HIF3A: variants seen among roughly 807,000 people sequenced by gnomAD.
The protein encoded by HIF3A is hypoxia-inducible factor 3-alpha.
Under a neutral mutation model 67.2 loss-of-function variants are expected in HIF3A, and 41 were observed. That is an observed-to-expected ratio of 0.61 (90% confidence interval 0.48 to 0.79). The LOEUF is 0.79. Among genes scored for constraint, HIF3A ranks in the 30% least tolerant of loss-of-function variants. The probability of loss-of-function intolerance (pLI) is 0.00; values close to 1 mark genes in which losing one functional copy is unlikely to be tolerated. For missense variants in HIF3A, 855 were observed against 898.0 expected, an observed-to-expected ratio of 0.95 and a Z score of 0.61; for synonymous variants, 356 against 374.8, an observed-to-expected ratio of 0.95 and a Z score of 0.58.
At chr19:46,298,284 C>T (rs1968020628) in intron 1 of HIF3A, 1 of 675,086 alleles carries the variant, frequency 1.5e-6, no homozygotes, top group South Asian at 1.6e-5. Context: ...TATCCCACCC[C>T]TTTTGGGCCA....
chr19:46,297,245 C>T lies in HIF3A; in HGVS notation c.26+143C>T, dbSNP rs1967933630. The T allele has an allele frequency of 4.2e-6, 2 of 472,332 alleles. No individual in the cohort carries two copies. Among genetic ancestry groups the T allele is most frequent in the East Asian group, 3.3e-5 (1 of 30,192 alleles). The allele number at this position is 472,332 out of a possible 1,614,324, so 29.3% of individuals were successfully genotyped here. A position where few individuals can be genotyped will look rare whatever the true frequency, so the allele number is the denominator to read the frequency against. ...CGCGCAGTTGGAGGCACATCCCCAC[C>T]GCACTCTCCACCCTTAGGGACTGCA... On this transcript the variant is annotated intron_variant, in intron 1 of 14. Coordinates refer to ENST00000377670, the MANE Select transcript of HIF3A (RefSeq NM_152795.4). This position sits in a 1 kb window ranked among gnomAD's most constrained non-coding sequence, Gnocchi z 4.5.
chr19:46,304,799 G>A (rs1001871657), intron 2 of HIF3A, among the ~76,000 whole-genome samples: 1 of 151,912 alleles, frequency 6.6e-6, no homozygotes, highest in Non-Finnish European at 1.5e-5. Context: ...CTGTTCCCTG[G>A]GAGTCCCTTC....
intron 1 of HIF3A, among the ~76,000 whole-genome samples, chr19:46,303,261 T>C (rs545025085): frequency 6.6e-6 from 1 of 152,170 alleles, no homozygotes; most frequent in Admixed American, 6.5e-5. Flanking sequence ...ACATGCAAAA[T>C]GTAGGTATCT....
intron 14 of HIF3A, among the ~76,000 whole-genome samples, chr19:46,336,762 G>C (rs183607051): frequency 1.6e-3 from 248 of 152,180 alleles, no homozygotes; most frequent in African/African-American, 5.7e-3. Context: ...TGAGGCAGGC[G>C]GACCACCTGA....
At chr19:46,305,680 T>G (rs1968781622) in intron 3 of HIF3A, among the ~76,000 whole-genome samples, 1 of 151,110 alleles carries the variant, frequency 6.6e-6, no homozygotes, top group African/African-American at 2.4e-5. Context: ...GGTCAAAGGG[T>G]ATGGAGAATG....
intron 1 of HIF3A, among the ~76,000 whole-genome samples, chr19:46,300,618 G>A (rs11083817): frequency 0.1 from 15,267 of 152,218 alleles, 1,022 homozygotes; most frequent in East Asian, 0.22. Flanking sequence ...CCAAGATCAA[G>A]CCACTGCACT....
chr19:46,312,692 C>G (rs373175900), intron 8 of HIF3A, 39 bp downstream of exon 8: 165 of 1,523,438 alleles, frequency 1.1e-4, no homozygotes, highest in Non-Finnish European at 1.3e-4. Flanking sequence ...GTGTGTGGGC[C>G]TGATCTGCAT....
chr19:46,307,054 T>C (rs1601218712), intron 3 of HIF3A, among the ~76,000 whole-genome samples: 1 of 152,012 alleles, frequency 6.6e-6, no homozygotes, highest in Non-Finnish European at 1.5e-5. Context: ...TAGAATACTC[T>C]TACTCCAGGG....
At position 46,342,879 on chromosome 19, in the gene HIF3A, C is replaced by T. The variant is rs1329550216; in HGVS notation, c.*3257C>T. 1.3e-5 allele frequency: 2 copies of T among 152,428 alleles called. No homozygotes were observed. Among genetic ancestry groups the T allele is most frequent in the East Asian group, 3.8e-4 (2 of 5,198 alleles). The allele number at this position is 152,428 out of a possible 1,614,324, so 9.4% of individuals were successfully genotyped here. ...CTTCATGCCTCTCCATTCTCATTGCCTACAATCTCTGTGCCCCAGAACCCC... is the reference window on the plus strand; with the variant it reads ...CTTCATGCCTCTCCATTCTCATTGCTTACAATCTCTGTGCCCCAGAACCCC... On this transcript the variant is annotated 3_prime_UTR_variant, in exon 15 of 15. Transcript: ENST00000377670.
In HIF3A at chr19:46,304,048, C is replaced by T. The variant is rs371806876; in HGVS notation, c.177C>T (p.Leu59=). 1.9e-6 allele frequency: 3 copies of T among 1,585,578 alleles called. No individual in the cohort carries two copies. Among genetic ancestry groups the T allele is most frequent in the African/African-American group, 1.3e-5 (1 of 74,370 alleles). ...AHLDKASIMR[L]TISYLRMHRL... The stretch of plus-strand genomic sequence containing the variant: ...TGGACAAGGCCTCTATCATGCGCCT[C>T]ACCATCAGCTACCTGCGCATGCACC... The change falls in exon 2 of 15, where the codon CTC becomes CTT. Residue 59 remains leucine (L), a synonymous_variant. Coordinates refer to ENST00000377670, the MANE Select transcript of HIF3A (RefSeq NM_152795.4).
chr19:46,303,979 G>A lies in HIF3A; in HGVS notation c.108G>A (p.Gln36=), dbSNP rs751812041. The change falls in exon 2 of 15, where the codon CAG becomes CAA. Residue 36 remains glutamine, a synonymous_variant. Transcript: ENST00000377670. ...GCCAGGAGACCGAGGTGCTGTACCAGCTGGCTCACACGCTGCCCTTCGCCC... is the reference window on the plus strand; with the variant it reads ...GCCAGGAGACCGAGGTGCTGTACCAACTGGCTCACACGCTGCCCTTCGCCC... ...RRSQETEVLY[Q]LAHTLPFARG... The A allele has an allele frequency of 3.1e-6, 5 of 1,603,114 alleles. No individual in the cohort carries two copies. In the African/African-American group the frequency reaches 6.7e-5, roughly 21 times the overall value.
chr19:46,330,337 GTGTA>G (rs1225323138), intron 12 of HIF3A, among the ~76,000 whole-genome samples: 4 of 152,100 alleles, frequency 2.6e-5, no homozygotes, highest in East Asian at 1.9e-4. Context: ...AGGTGAAAGG[GTGTA>G]TGTATGTATG....
At chr19:46,306,899 GGTCC>G (rs1383365291) in intron 3 of HIF3A, among the ~76,000 whole-genome samples, 5 of 152,094 alleles carry the variant, frequency 3.3e-5, no homozygotes, top group Non-Finnish European at 7.3e-5. Context: ...GAGCCAATAG[GGTCC>G]ACCTTCATCT....
intron 3 of HIF3A, 31 bp from the exon 4 acceptor site, chr19:46,308,190 G>C (rs760652274): frequency 1.4e-6 from 2 of 1,458,392 alleles, no homozygotes; most frequent in Admixed American, 3.3e-5. Context: ...CAGAAGCCCT[G>C]GTAGACCCCC....
intron 14 of HIF3A, 44 bp downstream of exon 14, chr19:46,335,030 C>T (rs200120990): frequency 7.3e-6 from 11 of 1,506,598 alleles, no homozygotes; most frequent in Non-Finnish European, 1.0e-5. Context: ...GCACCTTCTC[C>T]CCCGGGAGGT....
intron 1 of HIF3A, among the ~76,000 whole-genome samples, chr19:46,300,492 C>G (rs899066704): frequency 1.3e-5 from 2 of 152,158 alleles, no homozygotes; most frequent in African/African-American, 4.8e-5. Flanking sequence ...GAAACCCTGT[C>G]TCTACTAAAA....
intron 3 of HIF3A, among the ~76,000 whole-genome samples, chr19:46,306,225 G>T (rs1053620241): frequency 1.3e-5 from 2 of 152,186 alleles, no homozygotes; most frequent in South Asian, 4.1e-4. Context: ...CCAGGGCCCC[G>T]GGGAGCTATA....
intron 8 of HIF3A, among the ~76,000 whole-genome samples, chr19:46,318,216 T>G (rs1970070397): frequency 6.6e-6 from 1 of 152,022 alleles, no homozygotes; most frequent in South Asian, 2.1e-4. Flanking sequence ...TGGAATTTTT[T>G]TTTTTTTTCT....
chr19:46,298,429 C>G (rs1385305101), intron 1 of HIF3A: 1 of 1,288,572 alleles, frequency 7.8e-7, no homozygotes, highest in Non-Finnish European at 1.0e-6. Flanking sequence ...CGCACCCACT[C>G]GTAACTCGCA....
Sources: allele counts gnomAD v4.1 joint callset (sites outside exome capture counted in the v4.1 genomes callset), GRCh38; gene constraint gnomAD v4.1.1; non-coding constraint Gnocchi (gnomAD v3.1); transcripts MANE v1.5; gene names NCBI Gene and HGNC (gene_info 2026-07-23, HGNC 2026-07-21).